MACROD2: variants seen among roughly 807,000 people sequenced by gnomAD.
The protein encoded by MACROD2 is ADP-ribose glycohydrolase MACROD2.
MACROD2 carries 36 observed loss-of-function variants against 70.4 expected under a neutral mutation model. The ratio of observed to expected loss-of-function variants is 0.51; its 90% CI spans 0.39 to 0.68. The LOEUF (loss-of-function observed/expected upper bound fraction) is 0.68. Ranked by LOEUF, MACROD2 falls within the 30% of genes least tolerant of loss-of-function variation. The pLI is 0.00. For synonymous variants in MACROD2, 172 were observed against 178.8 expected (o/e 0.96, Z 0.30); for missense variants, 496 against 538.4 (o/e 0.92, Z 0.78).
intron 8 of MACROD2, among the ~76,000 whole-genome samples, chr20:15,621,954 T>C (rs1016774218): frequency 1.3e-5 from 2 of 152,112 alleles, no homozygotes; most frequent in African/African-American, 4.8e-5. Flanking sequence ...AGATCAATAA[T>C]TGATTTAGAT....
Position 14,774,896 on chromosome 20 carries a change from T to C in MACROD2, c.418+89937T>C, listed in dbSNP as rs117974438. On this transcript the variant is annotated intron_variant, in intron 5 of 17. Transcript: ENST00000684519. ...TTTATTTATTATTTATCATATTGCC[T>C]TTCACAGTTATTCTTTTCTGTAATT... 4.7e-3 allele frequency among the ~76,000 whole-genome samples: 714 copies of C among 152,228 alleles called. 9 individuals are homozygous for C. The highest frequency in any genetic ancestry group is 0.011 in the Admixed American group (164 of 15,270).
intron 3 of MACROD2, among the ~76,000 whole-genome samples, chr20:14,389,242 G>A (rs921615128): frequency 3.3e-5 from 5 of 151,298 alleles, no homozygotes; most frequent in South Asian, 2.1e-4. Context: ...GCCAACAGGC[G>A]AAACCTCGTC....
chr20:15,350,665 C>G (rs1389948474), intron 6 of MACROD2, among the ~76,000 whole-genome samples: 1 of 152,018 alleles, frequency 6.6e-6, no homozygotes, highest in Non-Finnish European at 1.5e-5. Flanking sequence ...ATTCCAGAAA[C>G]CTTCATTTTA....
intron 6 of MACROD2, among the ~76,000 whole-genome samples, chr20:15,334,677 G>GTCTTCCAGCTTGGAAGCTTC (rs2078029533): frequency 6.6e-6 from 1 of 151,402 alleles, no homozygotes; most frequent in Admixed American, 6.6e-5. Context: ...GAAGAGCTGG[G>GTCTTCCAGCTTGGAAGCTTC]CACCATGGAA....
At chr20:15,431,181 T>A (rs1453574806) in intron 6 of MACROD2, among the ~76,000 whole-genome samples, 1 of 152,068 alleles carries the variant, frequency 6.6e-6, no homozygotes, top group Non-Finnish European at 1.5e-5. Flanking sequence ...ACAAGATTCC[T>A]GAAAACTTAG....
chr20:15,776,360 T>C (rs542515149), intron 8 of MACROD2, among the ~76,000 whole-genome samples: 64 of 152,248 alleles, frequency 4.2e-4, no homozygotes, highest in African/African-American at 1.5e-3. Flanking sequence ...TCCCAAAATA[T>C]TCTCCAGAGT....
intron 5 of MACROD2, among the ~76,000 whole-genome samples, chr20:15,036,083 A>G (rs1006044709): frequency 1.3e-5 from 2 of 152,096 alleles, no homozygotes; most frequent in African/African-American, 4.8e-5. Flanking sequence ...ATTTTGACCT[A>G]TGTGTATGAA....
At chr20:15,742,237 T>G (rs2051116714) in intron 8 of MACROD2, among the ~76,000 whole-genome samples, 1 of 152,222 alleles carries the variant, frequency 6.6e-6, no homozygotes, top group Non-Finnish European at 1.5e-5. Context: ...ATTTTCTGTC[T>G]CTGACTCATC....
At chr20:15,132,382 G>A (rs1310398671) in intron 5 of MACROD2, among the ~76,000 whole-genome samples, 1 of 152,044 alleles carries the variant, frequency 6.6e-6, no homozygotes, top group Non-Finnish European at 1.5e-5. Context: ...TAAAGCAAAT[G>A]TAGATGTAGA....
intron 5 of MACROD2, among the ~76,000 whole-genome samples, chr20:14,862,185 A>G (rs368623702): frequency 2.0e-3 from 32 of 15,714 alleles, no homozygotes; most frequent in Admixed American, 3.4e-3. Context: ...ATATAAATAT[A>G]TATTTATACA....
intron 4 of MACROD2, among the ~76,000 whole-genome samples, chr20:14,575,017 CA>C (rs1195216470): frequency 5.0e-4 from 25 of 49,952 alleles, no homozygotes; most frequent in African/African-American, 1.5e-3. Flanking sequence ...GACTCTGTCT[CA>C]AAAAAAAAAA....
chr20:14,441,234 A>G (rs1019219119), intron 3 of MACROD2, among the ~76,000 whole-genome samples: 6 of 152,176 alleles, frequency 3.9e-5, no homozygotes, highest in African/African-American at 1.4e-4. Context: ...TGGGATCGCT[A>G]TGTAAAGAAG....
At chr20:14,846,307 T>G (rs1364328464) in intron 5 of MACROD2, among the ~76,000 whole-genome samples, 1 of 151,832 alleles carries the variant, frequency 6.6e-6, no homozygotes, top group African/African-American at 2.4e-5. Context: ...CACTGCAACC[T>G]CCACCTCCTG....
intron 13 of MACROD2, among the ~76,000 whole-genome samples, chr20:15,983,119 G>A (rs1208330259): frequency 6.6e-6 from 1 of 152,190 alleles, no homozygotes; most frequent in Non-Finnish European, 1.5e-5. Flanking sequence ...TGTAATAGAT[G>A]TAGTTTATCT....
intron 8 of MACROD2, among the ~76,000 whole-genome samples, chr20:15,735,101 C>T (rs2051001120): frequency 6.6e-6 from 1 of 152,100 alleles, no homozygotes; most frequent in Non-Finnish European, 1.5e-5. Context: ...GCTGCGATTA[C>T]AGGTGCATGC....
chr20:14,824,061 A>G (rs1472825923), intron 5 of MACROD2, among the ~76,000 whole-genome samples: 1 of 152,098 alleles, frequency 6.6e-6, no homozygotes, highest in African/African-American at 2.4e-5. Flanking sequence ...ACACATAAAA[A>G]TTTCCCACAA....
chr20:14,944,020 AAC>A (rs1192470988), intron 5 of MACROD2, among the ~76,000 whole-genome samples: 1 of 152,172 alleles, frequency 6.6e-6, no homozygotes, highest in African/African-American at 2.4e-5. Flanking sequence ...TATGAATTTT[AAC>A]AGTCGTATAC....
At chr20:15,649,540 T>A (rs1323656686) in intron 8 of MACROD2, among the ~76,000 whole-genome samples, 2 of 152,046 alleles carry the variant, frequency 1.3e-5, no homozygotes, top group Non-Finnish European at 2.9e-5. Context: ...AGAGAAAACA[T>A]CTGTTTCCAA....
chr20:15,451,948 A>AT (rs2046649295), intron 7 of MACROD2, among the ~76,000 whole-genome samples: 2 of 152,206 alleles, frequency 1.3e-5, no homozygotes, highest in East Asian at 3.9e-4. Context: ...GTGGCATAGG[A>AT]GACTGGTGAG....
Sources: gnomAD v4.1 joint callset for allele counts (sites outside exome capture counted in the v4.1 genomes callset) on GRCh38, gnomAD v4.1.1 for gene constraint, MANE v1.5 for transcripts, NCBI Gene and HGNC (gene_info 2026-07-23, HGNC 2026-07-21) for gene names.